Variants in RORB observed in about 807,000 individuals in gnomAD.
RORB encodes nuclear receptor ROR-beta.
RORB carries 6 observed loss-of-function variants against 59.1 expected under a neutral mutation model. The observed-to-expected ratio is 0.10, with a 90% CI of 0.06 to 0.20. The LOEUF is 0.20. Ranked by LOEUF, RORB falls within the 10% of genes least tolerant of loss-of-function variation. RORB has a pLI of 1.00. For missense variants in RORB, 320 were observed against 560.5 expected (o/e 0.57, Z 4.33); for synonymous variants, 215 against 204.5 (o/e 1.05, Z -0.44).
chr9:74,587,871 C>A (rs959148057), intron 1 of RORB, among the ~76,000 whole-genome samples: 1 of 152,084 alleles, frequency 6.6e-6, no homozygotes, highest in East Asian at 1.9e-4. Flanking sequence ...GAGGCACTAC[C>A]GGAAAGTGTG....
chr9:74,501,488 AC>A (rs1825803192), intron 1 of RORB, among the ~76,000 whole-genome samples: 1 of 152,182 alleles, frequency 6.6e-6, no homozygotes, highest in South Asian at 2.1e-4. Flanking sequence ...ATTAAAAAAA[AC>A]ATTGCTGGAA....
intron 6 of RORB, 116 bp from the exon 7 acceptor site, chr9:74,665,372 C>G: frequency 1.9e-6 from 1 of 515,374 alleles, no homozygotes; most frequent in Non-Finnish European, 3.3e-6. Flanking sequence ...GTATGTGTCT[C>G]TCTGTGTGTT....
chr9:74,529,569 A>T (rs1431355205), intron 1 of RORB, among the ~76,000 whole-genome samples: 2 of 151,718 alleles, frequency 1.3e-5, no homozygotes, highest in African/African-American at 4.8e-5. Context: ...AAATAGTAAA[A>T]TATACTATTA....
chr9:74,542,406 A>C (rs1453937123), intron 1 of RORB, among the ~76,000 whole-genome samples: 1 of 152,232 alleles, frequency 6.6e-6, no homozygotes, highest in East Asian at 1.9e-4. Flanking sequence ...ATCGAATTTC[A>C]GTGGACATTA....
chr9:74,677,135 C>G (rs1208485691), intron 9 of RORB, among the ~76,000 whole-genome samples: 2 of 152,160 alleles, frequency 1.3e-5, no homozygotes, highest in Non-Finnish European at 2.9e-5. Context: ...ATAATCCATA[C>G]AGGCTACGAC....
intron 4 of RORB, among the ~76,000 whole-genome samples, chr9:74,647,327 C>G (rs1823916392): frequency 6.6e-6 from 1 of 152,194 alleles, no homozygotes; most frequent in South Asian, 2.1e-4. Context: ...TTCTGCAGGA[C>G]TAATACTCTT....
chr9:74,529,124 T>A (rs1826196650), intron 1 of RORB, among the ~76,000 whole-genome samples: 1 of 151,930 alleles, frequency 6.6e-6, no homozygotes, highest in African/African-American at 2.4e-5. Context: ...TTAAGAAAAA[T>A]TTCTCCTGCT....
chr9:74,516,066 C>T (rs545178556), intron 1 of RORB, among the ~76,000 whole-genome samples: 1 of 152,058 alleles, frequency 6.6e-6, no homozygotes, highest in South Asian at 2.1e-4. Flanking sequence ...TAGTTACAAT[C>T]CCAGGCATGG....
At chr9:74,520,402 A>G (rs898097350) in intron 1 of RORB, among the ~76,000 whole-genome samples, 2 of 151,928 alleles carry the variant, frequency 1.3e-5, no homozygotes, top group African/African-American at 4.8e-5. Context: ...TCTGAAAATA[A>G]GTGTCTTTCT....
chr9:74,569,585 A>C (rs1456357305), intron 1 of RORB, among the ~76,000 whole-genome samples: 1 of 152,092 alleles, frequency 6.6e-6, no homozygotes, highest in Non-Finnish European at 1.5e-5. Context: ...GCAAATGTAA[A>C]AACCAGTCAC....
Position 74,603,929 on chromosome 9 carries a change from C to T in RORB, c.8-26353C>T, listed in dbSNP as rs372534637. On this transcript the variant is annotated intron_variant, in intron 1 of 9. Coordinates refer to ENST00000376896, the MANE Select transcript of RORB (RefSeq NM_006914.4). ...TAATAATATATTAAAAGGTTGAGTG[C>T]CATCGTCCTAACTATTATGCTAAAA... Among the ~76,000 whole-genome samples, 938 of 152,236 alleles carry T rather than the reference C, an allele frequency of 6.2e-3. 14 individuals carry two copies. Among genetic ancestry groups the T allele is most frequent in the African/African-American group, 0.022 (901 of 41,534 alleles).
intron 1 of RORB, among the ~76,000 whole-genome samples, chr9:74,625,165 C>G (rs1823488510): frequency 6.6e-6 from 1 of 152,188 alleles, no homozygotes; most frequent in African/African-American, 2.4e-5. Context: ...GTTTTTCCAC[C>G]TTCGCAGGTG....
rs1332571459 is a variant in RORB, at chr9:74,690,873, C to T, written c.*5255C>T. On this transcript the variant is annotated 3_prime_UTR_variant, in exon 10 of 10. Coordinates refer to ENST00000376896, the MANE Select transcript of RORB (RefSeq NM_006914.4). ...CTCCCTTCTTCATAGAGCCAGGGGG[C>T]TGGATTTCTTGCCACTTTTTTTCTG... The T allele has an allele frequency of 5.3e-5, 8 of 152,192 alleles. No homozygotes were observed. Among genetic ancestry groups the T allele is most frequent in the East Asian group, 3.9e-4 (2 of 5,194 alleles). 9.4% of individuals were successfully genotyped at this position (152,192 alleles called of 1,614,324 possible). A position where few individuals can be genotyped will look rare whatever the true frequency, so the allele number is the denominator to read the frequency against.
intron 1 of RORB, among the ~76,000 whole-genome samples, chr9:74,529,127 C>A (rs7024262): frequency 0.29 from 43,850 of 151,812 alleles, 7,109 homozygotes; most frequent in East Asian, 0.75. Flanking sequence ...AGAAAAATTT[C>A]TCCTGCTATT....
At chr9:74,628,181 T>C (rs1422639056) in intron 1 of RORB, among the ~76,000 whole-genome samples, 1 of 152,150 alleles carries the variant, frequency 6.6e-6, no homozygotes, top group Non-Finnish European at 1.5e-5. Context: ...CATATTTTTC[T>C]CCTACCACAA....
intron 9 of RORB, among the ~76,000 whole-genome samples, chr9:74,679,351 T>C (rs1263936592): frequency 6.6e-6 from 1 of 152,202 alleles, no homozygotes; most frequent in East Asian, 1.9e-4. Context: ...CACTGAATTA[T>C]CACAAAGTTA....
At position 74,690,960 on chromosome 9, in the gene RORB, T is replaced by G. The variant is rs1169731666; in HGVS notation, c.*5342T>G. On this transcript the variant is annotated 3_prime_UTR_variant, in exon 10 of 10. Coordinates refer to ENST00000376896, the MANE Select transcript of RORB (RefSeq NM_006914.4). ...AGTGTGTTTCTTGAACTGTGTGACT[T>G]CAATATCTGTGACAAGTTTTTATTT... 6.6e-6 allele frequency: 1 copy of G among 152,206 alleles called. No individual in the cohort carries two copies. Among genetic ancestry groups the G allele is most frequent in the African/African-American group, 2.4e-5 (1 of 41,456 alleles). The allele number at this position is 152,206 out of a possible 1,614,324, so 9.4% of individuals were successfully genotyped here.
intron 8 of RORB, 145 bp downstream of exon 8, chr9:74,668,046 G>A (rs969836597): frequency 1.7e-6 from 1 of 600,276 alleles, no homozygotes; most frequent in Non-Finnish European, 3.0e-6. Context: ...TTTTTGGACA[G>A]TGAAAAGGGA....
Position 74,508,158 on chromosome 9 carries a change from A to C in RORB, c.7+10175A>C, listed in dbSNP as rs547000949. Among the ~76,000 whole-genome samples, 12 of 152,038 alleles carry C rather than the reference A, an allele frequency of 7.9e-5. No homozygotes were observed. The South Asian group carries it at 2.3e-3, about 29-fold the overall frequency. ...CTTTTATCCTTGCATATATACTTTC[A>C]TTCTTGTGATTTCAAAAAAAGTTAA... On this transcript the variant is annotated intron_variant, in intron 1 of 9. Coordinates refer to ENST00000376896, the MANE Select transcript of RORB (RefSeq NM_006914.4).
Sources: gnomAD v4.1 joint callset for allele counts (sites outside exome capture counted in the v4.1 genomes callset) on GRCh38, gnomAD v4.1.1 for gene constraint, MANE v1.5 for transcripts, NCBI Gene and HGNC (gene_info 2026-07-23, HGNC 2026-07-21) for gene names.